The following ZNF582 variants were observed in gnomAD, a reference collection of about 807,000 sequenced individuals.
ZNF582 encodes the protein zinc finger protein 582.
ZNF582 carries 14 observed loss-of-function variants against 12.3 expected under a neutral mutation model. The observed-to-expected ratio is 1.14, with a 90% CI of 0.75 to 1.78. The LOEUF (loss-of-function observed/expected upper bound fraction) is 1.78, where lower values mean the gene tolerates loss of function less well. Among genes scored for constraint, ZNF582 ranks in the 40% most tolerant of loss-of-function variants. ZNF582 has a pLI of 0.00. For missense variants in ZNF582, 567 were observed against 616.5 expected, an observed-to-expected ratio of 0.92 and a Z score of 0.85; for synonymous variants, 210 against 207.2, an observed-to-expected ratio of 1.01 and a Z score of -0.11.
Position 56,383,900 on chromosome 19 carries a change from T to C in ZNF582, c.1517A>G (p.His506Arg), listed in dbSNP as rs764034372. 1.9e-6 allele frequency: 3 copies of C among 1,599,610 alleles called. No individual in the cohort carries two copies. The South Asian group carries it at 3.4e-5, about 18-fold the overall frequency. Reference sequence around the variant, plus strand: ...GCTTTCCCCATTACTTCCATTCATATGGTTGCTTGCCAACATAAATTCTCT... The same window carrying C: ...GCTTTCCCCATTACTTCCATTCATACGGTTGCTTGCCAACATAAATTCTCT... Residue 506 changes from histidine (H) to arginine (R), a missense_variant, in exon 5 of 5, where the codon CAT becomes CGT. Transcript: ENST00000586929.
intron 2 of ZNF582, among the ~76,000 whole-genome samples, chr19:56,390,808 T>G (rs1217724300): frequency 1.3e-5 from 2 of 152,204 alleles, no homozygotes; most frequent in Admixed American, 6.5e-5. Flanking sequence ...CACTCTATAC[T>G]TGGCATACAA....
chr19:56,390,102 G>C lies in ZNF582; in HGVS notation c.137-6C>G. 1 of 1,613,422 alleles carries C rather than the reference G, an allele frequency of 6.2e-7. No homozygotes were observed. Among genetic ancestry groups the C allele is most frequent in the South Asian group, 1.1e-5 (1 of 91,034 alleles). ...AGGTTTGGAAACGGCAAGACCTGGA[G>C]ATGAGAAGAAACATGCCACCTGGTT... On this transcript the variant is annotated splice_region_variant and splice_polypyrimidine_tract_variant and intron_variant, in intron 3 of 4. Coordinates refer to ENST00000586929, the Ensembl canonical transcript of ZNF582.
chr19:56,382,955 G>A (rs2041929907), exon 5 of ZNF582: 1 of 152,156 alleles, frequency 6.6e-6, no homozygotes, highest in Admixed American at 6.5e-5. Context: ...AAGTGAGAGA[G>A]GAGGAAGTCT....
intron 2 of ZNF582, among the ~76,000 whole-genome samples, chr19:56,390,985 G>A (rs1193610060): frequency 6.6e-6 from 1 of 152,182 alleles, no homozygotes; most frequent in Non-Finnish European, 1.5e-5. Flanking sequence ...TCTTGGAGAT[G>A]AAAGTTCATC....
In ZNF582 at chr19:56,384,725, TCCTTA is replaced by T; in HGVS notation, c.687_691del (p.Cys229Ter). ...ACCAGAATTGAAGGCCTTTCCACAT[TCCTTA>T]CATTCATATGGTTTCTTACCAGAAT... On this transcript the variant is annotated stop_gained and frameshift_variant, in exon 5 of 5. Coordinates refer to ENST00000586929, the Ensembl canonical transcript of ZNF582. LOFTEE classifies it low-confidence loss of function (END_TRUNC). 1 of 1,610,668 alleles carries T rather than the reference TCCTTA, an allele frequency of 6.2e-7. No homozygotes were observed. The highest frequency in any genetic ancestry group is 8.5e-7 in the Non-Finnish European group (1 of 1,178,466).
rs563868483 is a variant in ZNF582 at position 56,393,452 on chromosome 19, C to G, written c.-313G>C. On this transcript the variant is annotated 5_prime_UTR_variant, in exon 1 of 5. Transcript: ENST00000586929. ...TCCGGAACCTCTCACCTGCCGCCTC[C>G]TCGGGTCCAAGTGCCACCGCGGCCG... 2.5e-5 allele frequency: 13 copies of G among 527,978 alleles called. 1 individual carries two copies. Among genetic ancestry groups the G allele is most frequent in the African/African-American group, 1.3e-4 (7 of 52,156 alleles). 32.7% of individuals were successfully genotyped at this position (527,978 alleles called of 1,614,324 possible). A position where few individuals can be genotyped will look rare whatever the true frequency, so the allele number is the denominator to read the frequency against.
chr19:56,389,160 C>G (rs919114235), intron 4 of ZNF582, among the ~76,000 whole-genome samples: 2 of 152,178 alleles, frequency 1.3e-5, no homozygotes, highest in African/African-American at 4.8e-5. Context: ...TAGCTCATGT[C>G]CAGTGTGTAT....
exon 5 of ZNF582, chr19:56,384,782 G>A (rs563378875): frequency 3.8e-5 from 60 of 1,598,454 alleles, no homozygotes; most frequent in Non-Finnish European, 4.6e-5. Context: ...AATTAGTCGT[G>A]AGCCATATTT....
exon 1 of ZNF582, chr19:56,393,332 GCGA>G (rs1421261131): frequency 4.5e-6 from 5 of 1,119,806 alleles, no homozygotes; most frequent in Admixed American, 6.1e-5. Context: ...AAGCCACAGA[GCGA>G]CGATGAGGCG....
chr19:56,384,109 T>A, exon 5 of ZNF582: 1 of 1,612,586 alleles, frequency 6.2e-7, no homozygotes, highest in African/African-American at 1.3e-5. Flanking sequence ...GAATCAATTG[T>A]GAGCAATGAC....
exon 5 of ZNF582, chr19:56,384,369 G>T (rs1182061356): frequency 2.5e-6 from 4 of 1,610,926 alleles, no homozygotes; most frequent in Non-Finnish European, 3.4e-6. Context: ...GTTGAGCCTT[G>T]ATTAAAAGCC....
exon 5 of ZNF582, chr19:56,383,651 G>T: frequency 2.2e-6 from 1 of 448,826 alleles, no homozygotes; most frequent in Non-Finnish European, 3.7e-6. Flanking sequence ...AGAAAATGTG[G>T]TTCTGGAATG....
chr19:56,384,571 G>C (rs773646072), exon 5 of ZNF582: 1 of 1,614,070 alleles, frequency 6.2e-7, no homozygotes, highest in Non-Finnish European at 8.5e-7. Context: ...TACACTGATA[G>C]GGTTTCTCGC....
intron 3 of ZNF582, 139 bp downstream of exon 3, chr19:56,390,236 T>C (rs1600331121): frequency 7.1e-7 from 1 of 1,399,934 alleles, no homozygotes; most frequent in Non-Finnish European, 1.0e-6. Flanking sequence ...GGTAGGGGGA[T>C]GCAGCTTCAG....
At chr19:56,392,637 A>C (rs1475027718) in intron 1 of ZNF582, among the ~76,000 whole-genome samples, 1 of 152,266 alleles carries the variant, frequency 6.6e-6, no homozygotes, top group Non-Finnish European at 1.5e-5. Flanking sequence ...ACTGACAAGC[A>C]AAGATATTAA....
rs772793906 is a variant in ZNF582, at chr19:56,384,109, T to C, written c.1308A>G (p.Ser436=). The change falls in exon 5 of 5, where the codon TCA becomes TCG. Residue 436 remains serine (S), a synonymous_variant. Coordinates refer to ENST00000586929, the Ensembl canonical transcript of ZNF582. The stretch of plus-strand genomic sequence containing the variant: ...GAATAACCTGATGATGAATCAATTG[T>C]GAGCAATGACTAAAAGCCTTCCCAC... 12 of 1,612,586 alleles carry C rather than the reference T, an allele frequency of 7.4e-6. 1 individual carries two copies. In the South Asian group the frequency reaches 1.3e-4, roughly 18 times the overall value.
At chr19:56,389,868 TGAGGAAAAC>T in intron 4 of ZNF582, 124 bp downstream of exon 4, 11 of 641,074 alleles carry the variant, frequency 1.7e-5, no homozygotes, top group South Asian at 8.4e-5. Context: ...GCTGACGAGC[TGAGGAAAAC>T]AACACGTAAG....
intron 2 of ZNF582, 125 bp downstream of exon 2, chr19:56,391,619 G>A: frequency 1.3e-6 from 1 of 787,274 alleles, no homozygotes; most frequent in Non-Finnish European, 2.2e-6. Context: ...AATGGGAGAG[G>A]AGACTCCTGC....
At chr19:56,390,425 T>G (rs745472222) in exon 3 of ZNF582, 1 of 1,614,078 alleles carries the variant, frequency 6.2e-7, no homozygotes, top group South Asian at 1.1e-5. Flanking sequence ...TCTGTACAAA[T>G]CCCTCTGAGC....
Sources: gnomAD v4.1 joint callset for allele counts (sites outside exome capture counted in the v4.1 genomes callset) on GRCh38, gnomAD v4.1.1 for gene constraint, MANE v1.5 for transcripts, NCBI Gene and HGNC (gene_info 2026-07-23, HGNC 2026-07-21) for gene names.